Variants in CLVS1 observed in about 807,000 individuals in gnomAD.
CLVS1 encodes clavesin-1.
In CLVS1, 10 loss-of-function variants were observed where a neutral mutation model predicts 33.1. The observed-to-expected ratio is 0.30, with a 90% confidence interval of 0.19 to 0.51. The LOEUF (loss-of-function observed/expected upper bound fraction) is 0.51, where lower values mean the gene tolerates loss of function less well. CLVS1 is among the 20% of genes least tolerant of loss of function. The pLI is 0.97. For synonymous variants in CLVS1, 163 were observed against 166.1 expected (o/e 0.98, Z 0.14); for missense variants, 343 against 433.4 (o/e 0.79, Z 1.85).
At chr8:61,201,743 T>C (rs1807737146) in intron 2 of CLVS1, among the ~76,000 whole-genome samples, 1 of 152,192 alleles carries the variant, frequency 6.6e-6, no homozygotes, top group South Asian at 2.1e-4. Context: ...TGGTGCCTCC[T>C]AAATCCCTCT....
intron 3 of CLVS1, among the ~76,000 whole-genome samples, chr8:61,408,450 C>G (rs1815080518): frequency 6.6e-6 from 1 of 152,162 alleles, no homozygotes; most frequent in Admixed American, 6.5e-5. Context: ...TCACCTGCCC[C>G]AAGTCTTTAC....
At chr8:61,457,047 C>T (rs1470636813) in intron 4 of CLVS1, among the ~76,000 whole-genome samples, 2 of 151,854 alleles carry the variant, frequency 1.3e-5, no homozygotes, top group East Asian at 3.9e-4. Context: ...AAGTGATTCT[C>T]CTTCTCCAGC....
At chr8:61,246,903 C>A (rs1258629083) in intron 2 of CLVS1, among the ~76,000 whole-genome samples, 1 of 152,018 alleles carries the variant, frequency 6.6e-6, no homozygotes, top group Admixed American at 6.6e-5. Flanking sequence ...ATTATATCAC[C>A]CAGGTATTAA....
chr8:61,014,094 T>C, the CLVS1 span, among the ~76,000 whole-genome samples: 1 of 151,814 alleles, frequency 6.6e-6, no homozygotes, highest in South Asian at 2.1e-4. Flanking sequence ...TGTTTTTTTT[T>C]TTTTTTTTTT....
chr8:61,233,743 A>T (rs1808495527), intron 2 of CLVS1, among the ~76,000 whole-genome samples: 1 of 152,194 alleles, frequency 6.6e-6, no homozygotes, highest in African/African-American at 2.4e-5. Flanking sequence ...TGACAGGCAC[A>T]GTGTCCGTGG....
chr8:61,232,509 C>T (rs959447985), intron 2 of CLVS1, among the ~76,000 whole-genome samples: 2 of 152,094 alleles, frequency 1.3e-5, no homozygotes, highest in African/African-American at 2.4e-5. Context: ...TCTTATGTAA[C>T]TCCCCAAATC....
intron 1 of CLVS1, among the ~76,000 whole-genome samples, chr8:61,122,569 AAC>A (rs4033855): frequency 0.12 from 17,007 of 144,442 alleles, 1,120 homozygotes; most frequent in African/African-American, 0.19. Flanking sequence ...ATATTAAGAA[AAC>A]ACACACACAC....
upstream of CLVS1, among the ~76,000 whole-genome samples, chr8:61,055,680 G>A (rs1350843020): frequency 6.6e-6 from 1 of 152,192 alleles, no homozygotes; most frequent in Non-Finnish European, 1.5e-5. Flanking sequence ...GTTGAGAGTG[G>A]TTTTGTTCTT....
chr8:61,092,913 C>G (rs1245468757), intron 1 of CLVS1, among the ~76,000 whole-genome samples: 1 of 152,086 alleles, frequency 6.6e-6, no homozygotes, highest in Non-Finnish European at 1.5e-5. Context: ...GGATTGGAAA[C>G]TGGGCCACGG....
At chr8:61,210,030 C>T (rs1158192882) in intron 2 of CLVS1, among the ~76,000 whole-genome samples, 1 of 152,194 alleles carries the variant, frequency 6.6e-6, no homozygotes, top group African/African-American at 2.4e-5. Context: ...GGTGGGCCTG[C>T]CCTAATCAGG....
intron 2 of CLVS1, among the ~76,000 whole-genome samples, chr8:61,164,468 C>G (rs944259019): frequency 1.3e-5 from 2 of 152,156 alleles, no homozygotes; most frequent in African/African-American, 4.8e-5. Flanking sequence ...TTGCGATTCC[C>G]GCTGTCTTCT....
chr8:61,007,589 T>C, the CLVS1 span, among the ~76,000 whole-genome samples: 1 of 152,190 alleles, frequency 6.6e-6, no homozygotes, highest in African/African-American at 2.4e-5. Flanking sequence ...AATGCAAGCC[T>C]GGTTTACCAA....
the CLVS1 span, among the ~76,000 whole-genome samples, chr8:61,033,161 A>AGGAAAGAAAAAG: frequency 1.1e-5 from 1 of 92,130 alleles, no homozygotes; most frequent in Non-Finnish European, 2.3e-5. Flanking sequence ...GAAAGAAAGA[A>AGGAAAGAAAAAG]AAAGAAAGAA....
At chr8:61,046,513 A>C in the CLVS1 span, among the ~76,000 whole-genome samples, 11 of 139,962 alleles carry the variant, frequency 7.9e-5, no homozygotes, top group South Asian at 9.5e-4. Flanking sequence ...TAGTTTTTTC[A>C]AATTCTGTGA....
chr8:61,189,892 G>A (rs1018432098), intron 2 of CLVS1, among the ~76,000 whole-genome samples: 84 of 152,098 alleles, frequency 5.5e-4, no homozygotes, highest in Middle Eastern at 6.8e-3. Context: ...AGAGACCTAC[G>A]AAGAGACTTA....
At chr8:61,227,924 G>A (rs141440112) in intron 2 of CLVS1, among the ~76,000 whole-genome samples, 17 of 152,298 alleles carry the variant, frequency 1.1e-4, no homozygotes, top group African/African-American at 4.1e-4. Context: ...AGGAGAAAGA[G>A]AGTGAAGCCT....
chr8:61,101,966 C>T (rs1805458582), intron 1 of CLVS1, among the ~76,000 whole-genome samples: 1 of 151,996 alleles, frequency 6.6e-6, no homozygotes, highest in Non-Finnish European at 1.5e-5. Flanking sequence ...CAATATGTAC[C>T]ACAGTACCAC....
chr8:61,130,121 C>T (rs923799831), intron 1 of CLVS1, among the ~76,000 whole-genome samples: 2 of 151,898 alleles, frequency 1.3e-5, no homozygotes, highest in African/African-American at 4.8e-5. Flanking sequence ...GCCTGTAGTC[C>T]CAGCTACTTG....
intron 2 of CLVS1, among the ~76,000 whole-genome samples, chr8:61,177,000 A>G (rs1480195386): frequency 6.9e-6 from 1 of 145,448 alleles, no homozygotes; most frequent in Non-Finnish European, 1.5e-5. Context: ...AAGCCATCTG[A>G]GTTCCTTGCG....
Sources: allele counts gnomAD v4.1 joint callset (sites outside exome capture counted in the v4.1 genomes callset), GRCh38; gene constraint gnomAD v4.1.1; transcripts MANE v1.5; gene names NCBI Gene and HGNC (gene_info 2026-07-23, HGNC 2026-07-21).